The following IFT81 variants were observed in gnomAD, a reference collection of about 807,000 sequenced individuals.
IFT81 encodes intraflagellar transport 81.
IFT81 carries 72 observed loss-of-function variants against 102.6 expected under a neutral mutation model. That is an observed-to-expected ratio of 0.70 (90% confidence interval 0.58 to 0.85). The LOEUF is 0.85. Ranked by LOEUF, IFT81 falls within the 40% of genes least tolerant of loss-of-function variation. The probability of loss-of-function intolerance (pLI) is 0.00; values close to 1 mark genes in which losing one functional copy is unlikely to be tolerated. For synonymous variants in IFT81, 237 were observed against 242.7 expected (o/e 0.98, Z 0.22); for missense variants, 723 against 787.3 (o/e 0.92, Z 0.98).
Position 110,132,565 on chromosome 12 carries a change from G to A in IFT81, c.448G>A (p.Ala150Thr), listed in dbSNP as rs1894234095. 2 of 1,527,008 alleles carry A rather than the reference G, an allele frequency of 1.3e-6. No homozygotes were observed. The highest frequency in any genetic ancestry group is 1.4e-5 in the African/African-American group (1 of 72,204). The allele number at this position is 1,527,008 out of a possible 1,614,324, so 94.6% of individuals were successfully genotyped here. ...TNKQYEELME[A>T]FKTLHKEYEQ... The stretch of plus-strand genomic sequence containing the variant: ...CTTCTAGTATGAAGAGTTAATGGAA[G>A]CCTTTAAAACTTTGCATAAAGAATA... The change falls in exon 5 of 19, where the codon GCC (alanine) becomes ACC (threonine). Residue 150 changes from alanine (A) to threonine (T), a missense_variant. Physicochemically the swap from Ala to Thr is moderately conservative, Grantham distance 58. Coordinates refer to ENST00000242591, the MANE Select transcript of IFT81 (RefSeq NM_014055.4).
intron 12 of IFT81, among the ~76,000 whole-genome samples, chr12:110,188,801 C>T (rs1362184152): frequency 2.3e-4 from 35 of 151,630 alleles, no homozygotes; most frequent in African/African-American, 5.8e-4. Flanking sequence ...TAGTGGCACG[C>T]GCCTGTAATC....
chr12:110,145,464 A>T, intron 9 of IFT81, among the ~76,000 whole-genome samples: 2 of 142,636 alleles, frequency 1.4e-5, no homozygotes, highest in African/African-American at 5.2e-5. Context: ...TTTGAGATGG[A>T]GTGTAGCTCT....
intron 18 of IFT81, chr12:110,216,516 T>C (rs536467910): frequency 6.4e-5 from 29 of 452,560 alleles, no homozygotes; most frequent in African/African-American, 4.2e-4. Flanking sequence ...ATTATTCACC[T>C]TAATTTTTTT....
chr12:110,157,846 A>G (rs1281602706), intron 10 of IFT81, among the ~76,000 whole-genome samples: 2 of 151,952 alleles, frequency 1.3e-5, no homozygotes, highest in South Asian at 4.1e-4. Flanking sequence ...TCAATATTGC[A>G]CTTTTTAGCT....
In IFT81 at chr12:110,209,218, T is replaced by C; in HGVS notation, c.1848+2T>C. 1 of 1,481,234 alleles carries C rather than the reference T, an allele frequency of 6.8e-7. No homozygotes were observed. Among genetic ancestry groups the C allele is most frequent in the Non-Finnish European group, 9.4e-7 (1 of 1,065,020 alleles). The allele number at this position is 1,481,234 out of a possible 1,614,324, so 91.8% of individuals were successfully genotyped here. On this transcript the variant is annotated splice_donor_variant, in intron 18 of 18. Coordinates refer to ENST00000242591, the MANE Select transcript of IFT81 (RefSeq NM_014055.4). LOFTEE classifies it high-confidence loss of function. ...GCTGAACAAGAAAACCTTGGAAAGG[T>C]AAGAATTATTATTTATTTTTTTAAA...
chr12:110,165,226 G>T (rs1593322601), intron 11 of IFT81, among the ~76,000 whole-genome samples: 1 of 152,156 alleles, frequency 6.6e-6, no homozygotes, highest in African/African-American at 2.4e-5. Flanking sequence ...AGAACAGAAG[G>T]TATCGGGGAA....
intron 14 of IFT81, among the ~76,000 whole-genome samples, chr12:110,197,987 C>CA (rs1239815601): frequency 6.6e-6 from 1 of 152,182 alleles, no homozygotes; most frequent in East Asian, 1.9e-4. Context: ...ACTGGGATTA[C>CA]AGGCATGAGC....
At chr12:110,195,729 T>C (rs977330103) in intron 14 of IFT81, among the ~76,000 whole-genome samples, 1 of 152,228 alleles carries the variant, frequency 6.6e-6, no homozygotes, top group Non-Finnish European at 1.5e-5. Context: ...TCTCTTTTGA[T>C]TGCCTGGAAC....
intron 11 of IFT81, among the ~76,000 whole-genome samples, chr12:110,175,497 C>T (rs907244241): frequency 3.3e-5 from 5 of 151,994 alleles, no homozygotes; most frequent in Admixed American, 2.6e-4. Flanking sequence ...ATTTAGAAAC[C>T]CTTATAGTCA....
chr12:110,172,748 C>T (rs1302507995), intron 11 of IFT81, among the ~76,000 whole-genome samples: 22 of 152,152 alleles, frequency 1.4e-4, no homozygotes, highest in African/African-American at 5.1e-4. Context: ...AACCTCCACC[C>T]CCCAGCCGCC....
intron 10 of IFT81, among the ~76,000 whole-genome samples, chr12:110,161,136 T>C (rs905438553): frequency 1.4e-5 from 2 of 145,822 alleles, no homozygotes; most frequent in African/African-American, 5.1e-5. Flanking sequence ...CTTCACCACT[T>C]TTTTTTTTTT....
At chr12:110,134,231 A>G (rs1012906794) in intron 5 of IFT81, among the ~76,000 whole-genome samples, 8 of 152,058 alleles carry the variant, frequency 5.3e-5, no homozygotes, top group Admixed American at 5.2e-4. Flanking sequence ...AAGACTTTTG[A>G]TATTGTTCTT....
rs565425124 is a variant in IFT81 at position 110,189,441 on chromosome 12, C to T, written c.1339-1479C>T. 3.9e-5 allele frequency among the ~76,000 whole-genome samples: 6 copies of T among 152,154 alleles called. No homozygotes were observed. In the South Asian group the frequency reaches 1.0e-3, roughly 26 times the overall value. On this transcript the variant is annotated intron_variant, in intron 12 of 18. Coordinates refer to ENST00000242591, the MANE Select transcript of IFT81 (RefSeq NM_014055.4). Reference sequence around the variant, plus strand: ...TCGGCTCACTGCAAGCTCCACCTCCCGGGTTCAAGTGATTCTCCTGCCTCA... The same window carrying T: ...TCGGCTCACTGCAAGCTCCACCTCCTGGGTTCAAGTGATTCTCCTGCCTCA...
Position 110,127,444 on chromosome 12 carries a change from A to G in IFT81, c.64A>G (p.Asn22Asp), listed in dbSNP as rs551749665. Residue 22 changes from asparagine (N) to aspartate (D), a missense_variant, in exon 2 of 19, where the codon AAT becomes GAT. Coordinates refer to ENST00000242591, the MANE Select transcript of IFT81 (RefSeq NM_014055.4). Reference protein sequence around the residue: ...LNKEPFRKNYNLITFDSLEPM... With the variant: ...LNKEPFRKNYDLITFDSLEPM... ...TAAGGAGCCCTTTAGGAAGAACTATAATTTAATCACGTTTGATTCCTTGGA... is the reference window on the plus strand; with the variant it reads ...TAAGGAGCCCTTTAGGAAGAACTATGATTTAATCACGTTTGATTCCTTGGA... The G allele has an allele frequency of 3.1e-6, 5 of 1,608,890 alleles. No homozygotes were observed. In the African/African-American group the frequency reaches 5.3e-5, roughly 17 times the overall value.
intron 10 of IFT81, among the ~76,000 whole-genome samples, chr12:110,161,939 T>C (rs551388792): frequency 2.0e-5 from 3 of 152,366 alleles, no homozygotes; most frequent in African/African-American, 7.2e-5. Context: ...GTTTGGCTAA[T>C]GTTTTTCTTA....
intron 10 of IFT81, among the ~76,000 whole-genome samples, chr12:110,151,457 T>C (rs1895523789): frequency 1.3e-5 from 2 of 152,196 alleles, no homozygotes; most frequent in Non-Finnish European, 2.9e-5. Flanking sequence ...TGTTTTCACT[T>C]TTTGGCTATT....
intron 4 of IFT81, among the ~76,000 whole-genome samples, chr12:110,129,666 C>G (rs1894049444): frequency 6.6e-6 from 1 of 152,028 alleles, no homozygotes; most frequent in East Asian, 1.9e-4. Flanking sequence ...CTCAGTGCAC[C>G]TTTCTTGCCA....
intron 4 of IFT81, 36 bp downstream of exon 4, chr12:110,129,166 T>C: frequency 6.9e-7 from 1 of 1,453,616 alleles, no homozygotes; most frequent in Non-Finnish European, 9.4e-7. Flanking sequence ...GAAACTGTAA[T>C]GGATTTCAAG....
intron 18 of IFT81, among the ~76,000 whole-genome samples, chr12:110,215,304 G>C (rs990124339): frequency 6.6e-6 from 1 of 151,510 alleles, no homozygotes; most frequent in African/African-American, 2.4e-5. Flanking sequence ...TCTCACACTC[G>C]GTGTCGGTAC....
Sources: allele counts gnomAD v4.1 joint callset (sites outside exome capture counted in the v4.1 genomes callset), GRCh38; gene constraint gnomAD v4.1.1; transcripts MANE v1.5; gene names NCBI Gene and HGNC (gene_info 2026-07-23, HGNC 2026-07-21).